Variants in GLDC observed in about 807,000 individuals in gnomAD.
GLDC encodes the protein glycine decarboxylase, also known as glycine dehydrogenase (decarboxylating), mitochondrial.
Under a neutral mutation model 121.3 loss-of-function variants are expected in GLDC, and 104 were observed. The ratio of observed to expected loss-of-function variants is 0.86; its 90% CI spans 0.73 to 1.01. GLDC has a LOEUF of 1.01. GLDC is among the 50% of genes least tolerant of loss of function. The pLI is 0.00. For synonymous variants in GLDC, 546 were observed against 480.6 expected (o/e 1.14, Z -1.78); for missense variants, 1,429 against 1,306.6 (o/e 1.09, Z -1.44).
chr9:6,535,800 C>T (rs928754179), intron 23 of GLDC: 1 of 498,078 alleles, frequency 2.0e-6, no homozygotes, highest in Admixed American at 3.2e-5. Flanking sequence ...CACTACAGTA[C>T]ATCAAACAGA....
chr9:6,538,621 C>G, intron 22 of GLDC, among the ~76,000 whole-genome samples: 1 of 152,156 alleles, frequency 6.6e-6, no homozygotes, highest in East Asian at 1.9e-4. Context: ...AGTGTGGAAA[C>G]GGTTCTATCA....
chr9:6,637,562 G>A (rs564688845), intron 2 of GLDC, among the ~76,000 whole-genome samples: 5 of 152,110 alleles, frequency 3.3e-5, no homozygotes, highest in Middle Eastern at 6.8e-3. Flanking sequence ...CACCTCCCAG[G>A]TTCAAGCTAT....
intron 2 of GLDC, among the ~76,000 whole-genome samples, chr9:6,622,426 T>G (rs1819123250): frequency 6.7e-6 from 1 of 149,572 alleles, no homozygotes; most frequent in Admixed American, 6.6e-5. Flanking sequence ...ATTTTTTTGG[T>G]GGAGACGGGG....
At chr9:6,597,791 C>A (rs1818519568) in intron 8 of GLDC, among the ~76,000 whole-genome samples, 1 of 151,986 alleles carries the variant, frequency 6.6e-6, no homozygotes, top group South Asian at 2.1e-4. Context: ...AATAAATTAG[C>A]CAGGCATGGT....
chr9:6,582,154 G>C (rs561208647), intron 15 of GLDC, among the ~76,000 whole-genome samples: 1 of 141,382 alleles, frequency 7.1e-6, no homozygotes, highest in South Asian at 2.3e-4. Context: ...GGCGGAGGTT[G>C]CAGTGAGCCA....
chr9:6,608,033 G>C (rs1818771142), intron 4 of GLDC, among the ~76,000 whole-genome samples: 1 of 152,100 alleles, frequency 6.6e-6, no homozygotes, highest in East Asian at 1.9e-4. Context: ...TGAGGCAAGA[G>C]GATTACTTGA....
In GLDC at chr9:6,604,586, A is replaced by T. The variant is rs1587959976; in HGVS notation, c.1058+2T>A. ...AAAGTAGAGAAACATGAGCCCCTTTACCTTGTTACCCCCACCATTCTTCCA... is the reference window on the plus strand; with the variant it reads ...AAAGTAGAGAAACATGAGCCCCTTTTCCTTGTTACCCCCACCATTCTTCCA... On this transcript the variant is annotated splice_donor_variant, in intron 7 of 24. Coordinates refer to ENST00000321612, the MANE Select transcript of GLDC (RefSeq NM_000170.3). LOFTEE classifies it high-confidence loss of function. 7 of 1,610,440 alleles carry T rather than the reference A, an allele frequency of 4.3e-6. No individual in the cohort carries two copies. Among genetic ancestry groups the T allele is most frequent in the Non-Finnish European group, 5.9e-6 (7 of 1,178,268 alleles).
chr9:6,623,956 G>A (rs539472968), intron 2 of GLDC, among the ~76,000 whole-genome samples: 1 of 152,228 alleles, frequency 6.6e-6, no homozygotes, highest in African/African-American at 2.4e-5. Flanking sequence ...CCTGTGCAGG[G>A]GGGACAGGTC....
chr9:6,582,946 T>C (rs545265056), intron 15 of GLDC, among the ~76,000 whole-genome samples: 1 of 152,100 alleles, frequency 6.6e-6, no homozygotes, highest in Non-Finnish European at 1.5e-5. Context: ...AAATGCATGG[T>C]AAGCATATGA....
chr9:6,586,576 T>A, intron 15 of GLDC, among the ~76,000 whole-genome samples: 1 of 152,314 alleles, frequency 6.6e-6, no homozygotes, highest in Admixed American at 6.5e-5. Context: ...GAGACACTTG[T>A]TGGAATTCAG....
At chr9:6,593,183 G>C in intron 9 of GLDC, 193 bp from the exon 10 acceptor site, 1 of 600,542 alleles carries the variant, frequency 1.7e-6, no homozygotes, top group South Asian at 2.0e-5. Context: ...ACATATAAAA[G>C]AGTAAGGAAA....
Position 6,645,405 on chromosome 9 carries a change from G to A in GLDC, c.95C>T (p.Pro32Leu), listed in dbSNP as rs1194585396. The part of the protein sequence containing the change: ...LAGGSGPCWA[P>L]RSRDSSSGGG... The stretch of plus-strand genomic sequence containing the variant: ...GCCACTGCTGCTGTCCCGGCTCCGC[G>A]GCGCCCAGCACGGCCCCGATCCCCC... Residue 32 changes from proline (P) to leucine (L), a missense_variant, in exon 1 of 25, where the codon CCG (proline) becomes CTG (leucine). By Grantham distance (98) the Pro-to-Leu change is moderately conservative. Transcript: ENST00000321612. The A allele has an allele frequency of 2.7e-6, 4 of 1,487,552 alleles. No individual in the cohort carries two copies. Among genetic ancestry groups the A allele is most frequent in the Non-Finnish European group, 3.6e-6 (4 of 1,120,248 alleles). 92.1% of individuals were successfully genotyped at this position (1,487,552 alleles called of 1,614,324 possible). A position where few individuals can be genotyped will look rare whatever the true frequency, so the allele number is the denominator to read the frequency against.
chr9:6,543,828 T>G (rs1817325246), intron 21 of GLDC, among the ~76,000 whole-genome samples: 1 of 152,008 alleles, frequency 6.6e-6, no homozygotes, highest in Non-Finnish European at 1.5e-5. Flanking sequence ...AGTAGGTGTT[T>G]CTGCTGGACC....
At chr9:6,616,148 T>C (rs796967612) in intron 3 of GLDC, among the ~76,000 whole-genome samples, 1 of 152,214 alleles carries the variant, frequency 6.6e-6, no homozygotes, top group South Asian at 2.1e-4. Flanking sequence ...GTTGGAGTTT[T>C]TTTCGTTTTC....
intron 5 of GLDC, 30 bp downstream of exon 5, chr9:6,606,562 T>G: frequency 7.9e-7 from 1 of 1,270,748 alleles, no homozygotes; most frequent in Non-Finnish European, 1.2e-6. Flanking sequence ...GACATTATAC[T>G]GAGTTTAAAA....
In GLDC at chr9:6,588,671, T is replaced by A. The variant is rs950763757; in HGVS notation, c.1612A>T (p.Met538Leu). 3.1e-6 allele frequency: 5 copies of A among 1,613,604 alleles called. No homozygotes were observed. The East Asian group carries it at 8.9e-5, about 29-fold the overall frequency. ...YHSETNIVRY[M>L]KKLENKDISL... ...ATGTCTTTATTTTCCAGTTTCTTCA[T>A]GTACCGGACAATGTTTGTTTCAGAG... is the stretch of plus-strand genomic sequence containing the variant. Residue 538 changes from methionine to leucine, a missense_variant, in exon 13 of 25, where the codon ATG (methionine) becomes TTG (leucine). Physicochemically the swap from Met to Leu is conservative, Grantham distance 15. Transcript: ENST00000321612.
At chr9:6,552,079 TG>T (rs1188240269) in intron 20 of GLDC, among the ~76,000 whole-genome samples, 1 of 152,030 alleles carries the variant, frequency 6.6e-6, no homozygotes, top group Admixed American at 6.6e-5. Flanking sequence ...GAGAGATACG[TG>T]GGGGCCTAGG....
At chr9:6,540,862 T>C (rs1431257406) in intron 21 of GLDC, 1 of 152,146 alleles carries the variant, frequency 6.6e-6, no homozygotes, top group African/African-American at 2.4e-5. Context: ...CACCCAAAAG[T>C]TTTGGATTTT....
chr9:6,612,074 G>A (rs548968902), intron 3 of GLDC, among the ~76,000 whole-genome samples: 2 of 151,858 alleles, frequency 1.3e-5, no homozygotes, highest in Non-Finnish European at 2.9e-5. Context: ...CATGTATTGT[G>A]TGCCTCATTC....
Sources: allele counts gnomAD v4.1 joint callset (sites outside exome capture counted in the v4.1 genomes callset), GRCh38; gene constraint gnomAD v4.1.1; transcripts MANE v1.5; gene names NCBI Gene and HGNC (gene_info 2026-07-23, HGNC 2026-07-21).